Variants in USP49 observed in about 807,000 individuals in gnomAD.
The protein encoded by USP49 is ubiquitin specific peptidase 49, also known as ubiquitin carboxyl-terminal hydrolase 49.
In USP49, 24 loss-of-function variants were observed where a neutral mutation model predicts 58.6. The ratio of observed to expected loss-of-function variants is 0.41; its 90% confidence interval spans 0.30 to 0.58. USP49 has a LOEUF of 0.58. USP49 is among the 20% of genes least tolerant of loss of function. USP49 has a pLI of 0.30. For missense variants in USP49, 703 were observed against 866.1 expected, an observed-to-expected ratio of 0.81 and a Z score of 2.36; for synonymous variants, 408 against 365.1, an observed-to-expected ratio of 1.12 and a Z score of -1.34.
intron 7 of USP49, chr6:41,798,029 G>T: frequency 6.2e-6 from 1 of 162,260 alleles, no homozygotes. Context: ...CATTACACCT[G>T]GATAATTTTT....
At chr6:41,818,974 C>T (rs755736573) in intron 3 of USP49, among the ~76,000 whole-genome samples, 2 of 151,896 alleles carry the variant, frequency 1.3e-5, no homozygotes, top group African/African-American at 4.8e-5. Context: ...GGGATTACCA[C>T]ATTAGTATTA....
chr6:41,802,343 T>C (rs1460678425), intron 5 of USP49, among the ~76,000 whole-genome samples: 2 of 151,274 alleles, frequency 1.3e-5, no homozygotes, highest in African/African-American at 4.8e-5. Context: ...TTTTGATTTT[T>C]GTTCTGATTC....
intron 3 of USP49, among the ~76,000 whole-genome samples, chr6:41,866,339 G>A (rs1276130895): frequency 1.3e-5 from 2 of 152,156 alleles, no homozygotes; most frequent in East Asian, 3.9e-4. Flanking sequence ...AGAGGCAGCT[G>A]TGTCTAAGGC....
chr6:41,856,361 C>T (rs1181374802), intron 3 of USP49, among the ~76,000 whole-genome samples: 1 of 149,018 alleles, frequency 6.7e-6, no homozygotes, highest in African/African-American at 2.5e-5. Context: ...GGCGACAGAG[C>T]GAGACCCCGT....
chr6:41,849,513 C>A (rs551855360), intron 3 of USP49, among the ~76,000 whole-genome samples: 1 of 152,268 alleles, frequency 6.6e-6, no homozygotes, highest in Non-Finnish European at 1.5e-5. Flanking sequence ...CTCAAGTGCA[C>A]ATGGAACATC....
chr6:41,846,542 C>T (rs1773926904), intron 3 of USP49, among the ~76,000 whole-genome samples: 2 of 152,176 alleles, frequency 1.3e-5, no homozygotes, highest in Non-Finnish European at 2.9e-5. Context: ...TAGAGAGGAA[C>T]AATATGAGCA....
At chr6:41,798,548 T>C in intron 7 of USP49, 176 bp downstream of exon 7, 4 of 1,517,198 alleles carry the variant, frequency 2.6e-6, no homozygotes, top group Non-Finnish European at 3.5e-6. Context: ...AGCGCTAGGA[T>C]TACAGGTGTG....
intron 3 of USP49, among the ~76,000 whole-genome samples, chr6:41,864,852 T>A (rs1214335298): frequency 6.6e-6 from 1 of 152,112 alleles, no homozygotes; most frequent in Non-Finnish European, 1.5e-5. Context: ...CAAGTCAGTA[T>A]TAAGTGACTC....
Position 41,832,468 on chromosome 6 carries a change from C to A in USP49, c.-28-25457G>T, listed in dbSNP as rs778091630. 7.3e-4 allele frequency among the ~76,000 whole-genome samples: 111 copies of A among 152,298 alleles called. 1 individual carries two copies. Among genetic ancestry groups the A allele is most frequent in the Middle Eastern group, 6.8e-3 (2 of 294 alleles). On this transcript the variant is annotated intron_variant, in intron 3 of 7. Transcript: ENST00000682992. ...CAAAAAAGTCAAATGTTTAAAAAGA[C>A]TTGGCTTTCAATAAACAGCTCACAC...
At chr6:41,819,533 C>T (rs111893985) in intron 3 of USP49, among the ~76,000 whole-genome samples, 2 of 151,800 alleles carry the variant, frequency 1.3e-5, no homozygotes, top group African/African-American at 4.8e-5. Context: ...TGAATTGTAC[C>T]CTTGACATAT....
chr6:41,817,707 G>A (rs966454264), intron 3 of USP49, among the ~76,000 whole-genome samples: 4 of 150,842 alleles, frequency 2.7e-5, no homozygotes, highest in African/African-American at 4.9e-5. Flanking sequence ...CCTCTGCCCC[G>A]CAGGTTCAAG....
At chr6:41,818,526 A>C (rs1368499738) in intron 3 of USP49, among the ~76,000 whole-genome samples, 2 of 152,208 alleles carry the variant, frequency 1.3e-5, no homozygotes. Flanking sequence ...CAACCTGGTG[A>C]GGCCATTCAT....
intron 6 of USP49, 77 bp downstream of exon 6, chr6:41,799,753 C>T: frequency 7.8e-7 from 1 of 1,278,142 alleles, no homozygotes; most frequent in East Asian, 2.3e-5. Flanking sequence ...CCATAGAAGA[C>T]ATTTGCCCTC....
intron 3 of USP49, among the ~76,000 whole-genome samples, chr6:41,865,431 C>T (rs1201977112): frequency 6.6e-6 from 1 of 152,114 alleles, no homozygotes; most frequent in African/African-American, 2.4e-5. Context: ...CGGGATAGGC[C>T]TATCTTTATT....
At chr6:41,804,086 GAC>G in intron 4 of USP49, 76 bp from the exon 5 acceptor site, 1 of 1,334,988 alleles carries the variant, frequency 7.5e-7, no homozygotes, top group Admixed American at 2.2e-5. Context: ...CTTCATAAAA[GAC>G]ACACTTTATC....
intron 2 of USP49, chr6:41,886,559 G>T (rs1445208965): frequency 2.6e-5 from 4 of 152,160 alleles, no homozygotes; most frequent in African/African-American, 9.7e-5. Context: ...GCAAAAATAA[G>T]TACCATAAAT....
intron 2 of USP49, chr6:41,887,269 C>T (rs1247945006): frequency 6.6e-6 from 1 of 152,220 alleles, no homozygotes; most frequent in African/African-American, 2.4e-5. Context: ...ATCCTCCTAA[C>T]TCACTAGCAA....
intron 3 of USP49, among the ~76,000 whole-genome samples, chr6:41,867,938 A>AT (rs1774348545): frequency 6.6e-6 from 1 of 152,246 alleles, no homozygotes; most frequent in Non-Finnish European, 1.5e-5. Flanking sequence ...CATACTTAAG[A>AT]TACATGATTT....
chr6:41,859,932 T>C (rs530660288), intron 3 of USP49, among the ~76,000 whole-genome samples: 90 of 152,346 alleles, frequency 5.9e-4, no homozygotes, highest in South Asian at 1.9e-3. Flanking sequence ...TGTCTAAATG[T>C]TGTATATCCT....
Sources: allele counts gnomAD v4.1 joint callset (sites outside exome capture counted in the v4.1 genomes callset), GRCh38; gene constraint gnomAD v4.1.1; transcripts MANE v1.5; gene names NCBI Gene and HGNC (gene_info 2026-07-23, HGNC 2026-07-21).